Variants in TSGA10 observed in about 807,000 individuals in gnomAD.
TSGA10 encodes the protein testis specific 10.
TSGA10 carries 43 observed loss-of-function variants against 96.6 expected under a neutral mutation model. The ratio of observed to expected loss-of-function variants is 0.44; its 90% CI spans 0.35 to 0.57. The LOEUF (loss-of-function observed/expected upper bound fraction) is 0.57. Ranked by LOEUF, TSGA10 falls within the 20% of genes least tolerant of loss-of-function variation. The probability of loss-of-function intolerance (pLI) is 0.01; values close to 1 mark genes in which losing one functional copy is unlikely to be tolerated. For missense variants in TSGA10, 703 were observed against 834.4 expected, an observed-to-expected ratio of 0.84 and a Z score of 1.94; for synonymous variants, 229 against 269.9, an observed-to-expected ratio of 0.85 and a Z score of 1.48.
intron 10 of TSGA10, among the ~76,000 whole-genome samples, chr2:99,094,365 C>T (rs949136483): frequency 6.6e-6 from 1 of 151,902 alleles, no homozygotes; most frequent in African/African-American, 2.4e-5. Flanking sequence ...CGACCAAGAA[C>T]CCAAAAGCAA....
At chr2:99,031,858 CTT>C (rs2081166319) in intron 17 of TSGA10, among the ~76,000 whole-genome samples, 1 of 152,198 alleles carries the variant, frequency 6.6e-6, no homozygotes, top group African/African-American at 2.4e-5. Context: ...GTTGTGCACT[CTT>C]TAAAGGAATC....
At chr2:99,004,062 A>G (rs1235426654) in intron 20 of TSGA10, among the ~76,000 whole-genome samples, 2 of 152,182 alleles carry the variant, frequency 1.3e-5, no homozygotes, top group Non-Finnish European at 2.9e-5. Flanking sequence ...AAGACTAATA[A>G]AGAAGAAAAG....
chr2:99,033,228 G>A (rs576819281), intron 17 of TSGA10, among the ~76,000 whole-genome samples: 1 of 152,334 alleles, frequency 6.6e-6, no homozygotes, highest in South Asian at 2.1e-4. Context: ...TTTGCAGGAT[G>A]TGATTAAAAT....
At chr2:99,141,107 G>A in intron 1 of TSGA10, 1 of 1,284,174 alleles carries the variant, frequency 7.8e-7, no homozygotes, top group Non-Finnish European at 1.0e-6. Flanking sequence ...CCCTCCCCGG[G>A]CTCCTCGGCC....
chr2:99,150,606 T>C (rs549725604), intron 1 of TSGA10: 1 of 1,613,918 alleles, frequency 6.2e-7, no homozygotes, highest in Admixed American at 1.7e-5. Context: ...CTGCTATACA[T>C]ATGGATTCAA....
chr2:99,096,707 C>T (rs1443444555), intron 10 of TSGA10, among the ~76,000 whole-genome samples: 4 of 152,066 alleles, frequency 2.6e-5, no homozygotes, highest in South Asian at 2.1e-4. Context: ...CACTGGGAAA[C>T]GAGGAGGCAA....
chr2:99,048,252 C>G (rs983609003), intron 16 of TSGA10, among the ~76,000 whole-genome samples: 1 of 152,110 alleles, frequency 6.6e-6, no homozygotes, highest in African/African-American at 2.4e-5. Context: ...CAAAAAAGAG[C>G]CCATACAGCC....
chr2:99,002,572 A>C (rs1477710992), intron 20 of TSGA10, among the ~76,000 whole-genome samples: 1 of 152,230 alleles, frequency 6.6e-6, no homozygotes, highest in Non-Finnish European at 1.5e-5. Context: ...AAGAAACTAC[A>C]TCAACTAACG....
chr2:99,058,607 A>G (rs2084271453), intron 16 of TSGA10, among the ~76,000 whole-genome samples: 1 of 152,198 alleles, frequency 6.6e-6, no homozygotes, highest in African/African-American at 2.4e-5. Flanking sequence ...GAATAGAGAA[A>G]TGCTACAAAT....
chr2:99,086,003 T>C (rs75393213), intron 10 of TSGA10, among the ~76,000 whole-genome samples: 2 of 152,294 alleles, frequency 1.3e-5, no homozygotes, highest in East Asian at 3.9e-4. Flanking sequence ...CACAGATATA[T>C]GGTCAATCGA....
intron 7 of TSGA10, among the ~76,000 whole-genome samples, chr2:99,106,004 A>C (rs544269369): frequency 1.3e-5 from 2 of 152,222 alleles, no homozygotes; most frequent in Non-Finnish European, 2.9e-5. Flanking sequence ...TTTGTAGTGT[A>C]AATTTAAATT....
intron 17 of TSGA10, among the ~76,000 whole-genome samples, chr2:99,022,058 G>GCTAA (rs1267866854): frequency 6.6e-6 from 1 of 152,032 alleles, no homozygotes; most frequent in Non-Finnish European, 1.5e-5. Context: ...GGGCATGGTG[G>GCTAA]CTAACACTTG....
chr2:99,082,799 A>C (rs954039972), intron 10 of TSGA10, among the ~76,000 whole-genome samples: 1 of 152,228 alleles, frequency 6.6e-6, no homozygotes, highest in Admixed American at 6.5e-5. Flanking sequence ...ATCAAATAGA[A>C]ACTTAGAAAT....
chr2:99,078,355 AATC>A (rs2087005025), intron 12 of TSGA10, among the ~76,000 whole-genome samples: 1 of 152,038 alleles, frequency 6.6e-6, no homozygotes, highest in South Asian at 2.1e-4. Context: ...TTTAAGAAGA[AATC>A]AGTCTCACTA....
At chr2:99,100,951 T>G (rs1574352253) in intron 10 of TSGA10, among the ~76,000 whole-genome samples, 5 of 120,274 alleles carry the variant, frequency 4.2e-5, no homozygotes, top group Non-Finnish European at 3.5e-5. Flanking sequence ...TAAATTAGGC[T>G]GGGTGAAAAA....
At chr2:99,095,140 C>T (rs551931990) in intron 10 of TSGA10, among the ~76,000 whole-genome samples, 1 of 152,104 alleles carries the variant, frequency 6.6e-6, no homozygotes, top group Non-Finnish European at 1.5e-5. Context: ...AGGGAAGTAA[C>T]TCAGGAATGG....
At chr2:99,129,209 A>T (rs534879154) in intron 1 of TSGA10, among the ~76,000 whole-genome samples, 1 of 152,036 alleles carries the variant, frequency 6.6e-6, no homozygotes, top group Non-Finnish European at 1.5e-5. Context: ...CTCTTAATTG[A>T]TATTTATATA....
intron 17 of TSGA10, among the ~76,000 whole-genome samples, chr2:99,032,302 AG>A (rs1472252341): frequency 2.6e-5 from 4 of 152,216 alleles, no homozygotes; most frequent in African/African-American, 9.6e-5. Flanking sequence ...TCCTTTGAAA[AG>A]GGCAAAAGAC....
chr2:99,038,188 A>G (rs2081837241), intron 16 of TSGA10, among the ~76,000 whole-genome samples: 1 of 152,142 alleles, frequency 6.6e-6, no homozygotes, highest in African/African-American at 2.4e-5. Flanking sequence ...GAAATACACC[A>G]AAATAGAATC....
Sources: gnomAD v4.1 joint callset for allele counts (sites outside exome capture counted in the v4.1 genomes callset) on GRCh38, gnomAD v4.1.1 for gene constraint, MANE v1.5 for transcripts, NCBI Gene and HGNC (gene_info 2026-07-23, HGNC 2026-07-21) for gene names.